Variants in UNC5C observed in about 807,000 individuals in gnomAD.
UNC5C encodes the protein unc-5 netrin receptor C.
A neutral mutation model predicts 99.8 loss-of-function variants in UNC5C; 47 were observed. That is an observed-to-expected ratio of 0.47 (90% CI 0.37 to 0.60). The LOEUF (loss-of-function observed/expected upper bound fraction) is 0.60, where lower values mean the gene tolerates loss of function less well. Among genes scored for constraint, UNC5C ranks in the 20% least tolerant of loss-of-function variants. UNC5C has a pLI of 0.00. For missense variants in UNC5C, 1,062 were observed against 1,165.9 expected (o/e 0.91, Z 1.30); for synonymous variants, 487 against 452.2 (o/e 1.08, Z -0.98).
intron 7 of UNC5C, among the ~76,000 whole-genome samples, chr4:95,224,283 A>C (rs918270398): frequency 5.9e-5 from 9 of 152,162 alleles, no homozygotes; most frequent in Non-Finnish European, 1.0e-4. Context: ...ATCTGTCTCA[A>C]AAAATAAAAA....
chr4:95,387,820 T>C (rs1745253077), intron 1 of UNC5C, among the ~76,000 whole-genome samples: 1 of 152,330 alleles, frequency 6.6e-6, no homozygotes, highest in Admixed American at 6.5e-5. Flanking sequence ...AACCTGATTA[T>C]TTTAAGCTGT....
At position 95,548,951 on chromosome 4, in the gene UNC5C, G is replaced by T. The variant is rs1005820652; in HGVS notation, c.-94C>A. 26 of 1,497,310 alleles carry T rather than the reference G, an allele frequency of 1.7e-5. No individual in the cohort carries two copies. In the South Asian group the frequency reaches 3.0e-4, roughly 17 times the overall value. The allele number at this position is 1,497,310 out of a possible 1,614,324, so 92.8% of individuals were successfully genotyped here. A position where few individuals can be genotyped will look rare whatever the true frequency, so the allele number is the denominator to read the frequency against. On this transcript the variant is annotated 5_prime_UTR_variant, in exon 1 of 16. Transcript: ENST00000453304. ...TGGGCAGAAGCTGAATCCGTGCACC[G>T]CGAAGCAGTCCGAAGAAATAACGAC...
intron 1 of UNC5C, among the ~76,000 whole-genome samples, chr4:95,454,814 T>C (rs547908790): frequency 1.3e-5 from 2 of 152,260 alleles, no homozygotes; most frequent in Non-Finnish European, 2.9e-5. Flanking sequence ...GCATAAACTG[T>C]TGACACCTAT....
At chr4:95,262,450 T>C (rs966713531) in intron 4 of UNC5C, among the ~76,000 whole-genome samples, 8 of 152,214 alleles carry the variant, frequency 5.3e-5, no homozygotes, top group Non-Finnish European at 8.8e-5. Context: ...GAAATGTAAT[T>C]GATTTCATCC....
intron 4 of UNC5C, among the ~76,000 whole-genome samples, chr4:95,260,599 G>A (rs958925670): frequency 6.6e-6 from 1 of 152,172 alleles, no homozygotes; most frequent in African/African-American, 2.4e-5. Context: ...GAAAGGAGAA[G>A]TGAAAATTAT....
chr4:95,203,729 G>C (rs745616600), intron 11 of UNC5C, among the ~76,000 whole-genome samples: 1 of 152,158 alleles, frequency 6.6e-6, no homozygotes, highest in African/African-American at 2.4e-5. Context: ...CTCCCAAAGC[G>C]CTGGGATTAC....
At chr4:95,356,818 G>A (rs773686042) in intron 1 of UNC5C, among the ~76,000 whole-genome samples, 1 of 152,178 alleles carries the variant, frequency 6.6e-6, no homozygotes, top group Non-Finnish European at 1.5e-5. Flanking sequence ...AGTGAGTATT[G>A]CTTGAGGTTA....
intron 1 of UNC5C, among the ~76,000 whole-genome samples, chr4:95,479,780 T>C (rs1560849466): frequency 1.3e-5 from 2 of 151,970 alleles, no homozygotes; most frequent in South Asian, 2.1e-4. Flanking sequence ...GACTGGACCA[T>C]GGAGTGCCCA....
chr4:95,340,604 A>G (rs1054553406), intron 1 of UNC5C, among the ~76,000 whole-genome samples: 17 of 152,168 alleles, frequency 1.1e-4, no homozygotes, highest in Non-Finnish European at 8.8e-5. Flanking sequence ...TGACTACATA[A>G]TGCCTTAAAT....
chr4:95,324,061 A>G (rs2149414471), intron 2 of UNC5C, among the ~76,000 whole-genome samples: 1 of 152,154 alleles, frequency 6.6e-6, no homozygotes, highest in South Asian at 2.1e-4. Context: ...AAATAAATAA[A>G]TAAGGTTTTC....
At chr4:95,406,535 C>A (rs755999178) in intron 1 of UNC5C, among the ~76,000 whole-genome samples, 1 of 152,112 alleles carries the variant, frequency 6.6e-6, no homozygotes, top group Non-Finnish European at 1.5e-5. Flanking sequence ...ATATGGGATG[C>A]AACTAGGGCA....
At chr4:95,283,111 G>A (rs1023575503) in intron 3 of UNC5C, among the ~76,000 whole-genome samples, 3 of 152,104 alleles carry the variant, frequency 2.0e-5, no homozygotes, top group African/African-American at 4.8e-5. Flanking sequence ...CACCATTAAC[G>A]GGCAGTGGGT....
chr4:95,180,367 T>C (rs1341959075), intron 14 of UNC5C, among the ~76,000 whole-genome samples: 1 of 152,232 alleles, frequency 6.6e-6, no homozygotes, highest in Non-Finnish European at 1.5e-5. Flanking sequence ...CACCATGTTT[T>C]CTTTTCTTTT....
At chr4:95,507,095 T>C (rs1721942858) in intron 1 of UNC5C, among the ~76,000 whole-genome samples, 1 of 151,988 alleles carries the variant, frequency 6.6e-6, no homozygotes, top group Non-Finnish European at 1.5e-5. Context: ...AGGAATTTGA[T>C]AAATGTGTTG....
At position 95,355,371 on chromosome 4, in the gene UNC5C, A is replaced by C. The variant is rs369248843; in HGVS notation, c.125-19740T>G. On this transcript the variant is annotated intron_variant, in intron 1 of 15. Coordinates refer to ENST00000453304, the MANE Select transcript of UNC5C (RefSeq NM_003728.4). ...GTATCAAGCTTCTCTCATTTTCCTA[A>C]ATACACTTGAGCTCTAGTACTCTTT... is the stretch of plus-strand genomic sequence containing the variant. Among the ~76,000 whole-genome samples, 24 of 152,220 alleles carry C rather than the reference A, an allele frequency of 1.6e-4. No individual in the cohort carries two copies. In the South Asian group the frequency reaches 4.4e-3, roughly 28 times the overall value.
intron 1 of UNC5C, among the ~76,000 whole-genome samples, chr4:95,546,843 C>G (rs892765233): frequency 1.3e-5 from 2 of 152,060 alleles, no homozygotes; most frequent in Non-Finnish European, 2.9e-5. Context: ...TTATTGTAAG[C>G]TCTTAGCAGG....
At chr4:95,172,041 T>C (rs1302985803) in intron 14 of UNC5C, among the ~76,000 whole-genome samples, 2 of 149,118 alleles carry the variant, frequency 1.3e-5, no homozygotes, top group Non-Finnish European at 3.0e-5. Context: ...TGTCTTCTTT[T>C]GAGAAGTGTC....
chr4:95,351,640 A>G (rs1354059485), intron 1 of UNC5C, among the ~76,000 whole-genome samples: 1 of 152,028 alleles, frequency 6.6e-6, no homozygotes, highest in Non-Finnish European at 1.5e-5. Flanking sequence ...AGCTATGACC[A>G]TGCCACTGAA....
intron 6 of UNC5C, among the ~76,000 whole-genome samples, chr4:95,244,520 C>CAAATGTTGT (rs1455820727): frequency 2.0e-5 from 3 of 152,174 alleles, no homozygotes; most frequent in Admixed American, 6.5e-5. Context: ...TAATTCATTT[C>CAAATGTTGT]AAATGTTGTA....
Sources: allele counts gnomAD v4.1 joint callset (sites outside exome capture counted in the v4.1 genomes callset), GRCh38; gene constraint gnomAD v4.1.1; transcripts MANE v1.5; gene names NCBI Gene and HGNC (gene_info 2026-07-23, HGNC 2026-07-21).